Variants in SCEL observed in about 807,000 individuals in gnomAD.
SCEL encodes the protein sciellin.
SCEL carries 113 observed loss-of-function variants against 117.6 expected under a neutral mutation model. The ratio of observed to expected loss-of-function variants is 0.96; its 90% CI spans 0.83 to 1.12. SCEL has a LOEUF of 1.12. SCEL is among the 50% of genes most tolerant of loss of function. SCEL has a pLI of 0.00. For synonymous variants in SCEL, 270 were observed against 256.2 expected, an observed-to-expected ratio of 1.05 and a Z score of -0.51; for missense variants, 785 against 810.8, an observed-to-expected ratio of 0.97 and a Z score of 0.39.
chr13:77,573,642 T>C (rs561858832), intron 9 of SCEL, among the ~76,000 whole-genome samples: 14 of 60,568 alleles, frequency 2.3e-4, no homozygotes, highest in African/African-American at 9.8e-4. Context: ...TCATTACATC[T>C]ATCTATCTAT....
In SCEL at chr13:77,581,553, G is replaced by T. The variant is rs147078365; in HGVS notation, c.546-7591G>T. ...TGTTGCCTCCGCCCCTGCCAGGGGGGCTCCTGGAAATATGAGGAAGCAGGG... is the reference window on the plus strand; with the variant it reads ...TGTTGCCTCCGCCCCTGCCAGGGGGTCTCCTGGAAATATGAGGAAGCAGGG... On this transcript the variant is annotated intron_variant, in intron 9 of 32. Coordinates refer to ENST00000349847, the MANE Select transcript of SCEL (RefSeq NM_144777.3). Among the ~76,000 whole-genome samples the T allele has an allele frequency of 1.9e-3, 288 of 152,258 alleles. 1 individual carries two copies. Among genetic ancestry groups the T allele is most frequent in the African/African-American group, 6.7e-3 (280 of 41,548 alleles).
At chr13:77,627,553 A>C (rs2089802705) in intron 27 of SCEL, among the ~76,000 whole-genome samples, 1 of 152,200 alleles carries the variant, frequency 6.6e-6, no homozygotes, top group Non-Finnish European at 1.5e-5. Flanking sequence ...AAGGTGATAG[A>C]TAGCCCAAGT....
rs186076157 is a variant in SCEL at position 77,617,068 on chromosome 13, G to A, written c.1452-531G>A. ...AACAGGAAGAGTTTCAAATGGGAGCGGACAGTTTTCAGAGTATGTAACTCA... is the reference window on the plus strand; with the variant it reads ...AACAGGAAGAGTTTCAAATGGGAGCAGACAGTTTTCAGAGTATGTAACTCA... On this transcript the variant is annotated intron_variant, in intron 24 of 32. Transcript: ENST00000349847. Among the ~76,000 whole-genome samples, 122 of 152,082 alleles carry A rather than the reference G, an allele frequency of 8.0e-4. 1 individual carries two copies. Among genetic ancestry groups the A allele is most frequent in the Non-Finnish European group, 1.8e-4 (12 of 67,956 alleles).
intron 8 of SCEL, among the ~76,000 whole-genome samples, 169 bp downstream of exon 8, chr13:77,569,620 T>G (rs1365068001): frequency 6.6e-6 from 1 of 152,224 alleles, no homozygotes; most frequent in East Asian, 1.9e-4. Context: ...TGTTTTCAAT[T>G]CCTGTAGGGC....
chr13:77,613,462 A>G (rs1216322144), intron 23 of SCEL, among the ~76,000 whole-genome samples: 1 of 152,210 alleles, frequency 6.6e-6, no homozygotes, highest in Non-Finnish European at 1.5e-5. Flanking sequence ...AGAAACCCCA[A>G]GCTATCACTC....
At position 77,556,819 on chromosome 13, in the gene SCEL, A is replaced by G; in HGVS notation, c.161+106A>G. 3 of 790,776 alleles carry G rather than the reference A, an allele frequency of 3.8e-6. No individual in the cohort carries two copies. In the South Asian group the frequency reaches 4.7e-5, roughly 12 times the overall value. The allele number at this position is 790,776 out of a possible 1,614,324, so 49.0% of individuals were successfully genotyped here. On this transcript the variant is annotated intron_variant, in intron 3 of 32. Transcript: ENST00000349847. Reference sequence around the variant, plus strand: ...AAAGTGAATACTTTTCTCCTGAAACACTTTGTTGCATGGTCTAATTTTTGG... The same window carrying G: ...AAAGTGAATACTTTTCTCCTGAAACGCTTTGTTGCATGGTCTAATTTTTGG...
chr13:77,566,227 A>G (rs959616346), intron 5 of SCEL, among the ~76,000 whole-genome samples: 2 of 152,232 alleles, frequency 1.3e-5, no homozygotes, highest in East Asian at 1.9e-4. Flanking sequence ...ATTGGATCCC[A>G]GTGAACGATT....
chr13:77,611,670 C>T (rs1316196838), intron 22 of SCEL, among the ~76,000 whole-genome samples: 3 of 152,108 alleles, frequency 2.0e-5, no homozygotes, highest in Non-Finnish European at 4.4e-5. Context: ...ATTTCTTTTA[C>T]TTGGTAGTGA....
At position 77,541,247 on chromosome 13, in the gene SCEL, A is replaced by T. The variant is rs535264351; in HGVS notation, c.-20+5423A>T. The stretch of plus-strand genomic sequence containing the variant: ...GATAATTTATAAAATAAGAAAGAAA[A>T]TGCCCTGTAAAGTGAAGAAAAATAT... On this transcript the variant is annotated intron_variant, in intron 1 of 32. Transcript: ENST00000349847. Among the ~76,000 whole-genome samples the T allele has an allele frequency of 3.3e-5, 5 of 152,242 alleles. No homozygotes were observed. The South Asian group carries it at 1.0e-3, about 32-fold the overall frequency.
chr13:77,610,754 C>T (rs993922110), intron 22 of SCEL, among the ~76,000 whole-genome samples: 1 of 152,150 alleles, frequency 6.6e-6, no homozygotes, highest in African/African-American at 2.4e-5. Context: ...AAAAATTCTT[C>T]CTCCTTCTTC....
Position 77,608,112 on chromosome 13 carries a change from A to G in SCEL, c.1214A>G (p.Gln405Arg). Reference sequence around the variant, plus strand: ...ACCCCTGAAGTAAAGAGAAGTAACCAAGGGTGAGGACTATGTCTTACCTCT... The same window carrying G: ...ACCCCTGAAGTAAAGAGAAGTAACCGAGGGTGAGGACTATGTCTTACCTCT... The part of the protein sequence containing the change: ...KVTPEVKRSN[Q>R]GSKDLNNFIK... The change falls in exon 20 of 33, where the codon CAA becomes CGA. Residue 405 changes from glutamine to arginine, a missense_variant. By Grantham distance (43) the Gln-to-Arg change is conservative. Transcript: ENST00000349847. 6.2e-7 allele frequency: 1 copy of G among 1,610,890 alleles called. No homozygotes were observed. The highest frequency in any genetic ancestry group is 1.1e-5 in the South Asian group (1 of 90,816).
At chr13:77,599,550 C>T in intron 14 of SCEL, 139 bp from the exon 15 acceptor site, 2 of 873,548 alleles carry the variant, frequency 2.3e-6, no homozygotes, top group South Asian at 1.5e-5. Flanking sequence ...CATAATTACC[C>T]AGAAGGATTT....
intron 27 of SCEL, among the ~76,000 whole-genome samples, chr13:77,622,408 A>AT (rs1479180885): frequency 2.6e-5 from 4 of 152,040 alleles, no homozygotes; most frequent in African/African-American, 4.8e-5. Flanking sequence ...CAGAATCTCT[A>AT]TTTTTTTCCT....
chr13:77,627,087 C>T (rs1266785652), intron 27 of SCEL, among the ~76,000 whole-genome samples: 1 of 152,176 alleles, frequency 6.6e-6, no homozygotes, highest in East Asian at 1.9e-4. Context: ...TCTTCCCCCA[C>T]ATAATGAATT....
chr13:77,641,153 A>C (rs573040145), intron 31 of SCEL, among the ~76,000 whole-genome samples: 2 of 152,232 alleles, frequency 1.3e-5, no homozygotes, highest in Non-Finnish European at 2.9e-5. Context: ...GTTGAGAAGA[A>C]AGCTAGCAGT....
intron 9 of SCEL, among the ~76,000 whole-genome samples, chr13:77,575,715 G>A (rs1184577759): frequency 6.6e-6 from 1 of 152,090 alleles, no homozygotes; most frequent in Non-Finnish European, 1.5e-5. Context: ...GGCCCTTCTA[G>A]CTTATTTCTA....
chr13:77,542,923 A>G (rs1450842030), intron 1 of SCEL, among the ~76,000 whole-genome samples: 1 of 151,546 alleles, frequency 6.6e-6, no homozygotes, highest in Non-Finnish European at 1.5e-5. Context: ...TGTTTCATTG[A>G]TTTCCGGGAA....
At chr13:77,599,996 A>G in intron 15 of SCEL, 1 of 465,062 alleles carries the variant, frequency 2.2e-6, no homozygotes, top group Non-Finnish European at 3.9e-6. Context: ...TATGACCTAG[A>G]TGATCTCCCA....
At chr13:77,557,350 T>TAA (rs536052508) in intron 3 of SCEL, among the ~76,000 whole-genome samples, 115 of 152,366 alleles carry the variant, frequency 7.5e-4, no homozygotes, top group African/African-American at 2.7e-3. Context: ...GCAATAGGTA[T>TAA]TTGTCCAGCA....
Sources: gnomAD v4.1 joint callset for allele counts (sites outside exome capture counted in the v4.1 genomes callset) on GRCh38, gnomAD v4.1.1 for gene constraint, MANE v1.5 for transcripts, NCBI Gene and HGNC (gene_info 2026-07-23, HGNC 2026-07-21) for gene names.